Variants in CGGBP1 observed in about 807,000 individuals in gnomAD.
CGGBP1 encodes CGG triplet repeat-binding protein 1.
A neutral mutation model predicts 11.4 loss-of-function variants in CGGBP1; 4 were observed. The observed-to-expected ratio is 0.35, with a 90% CI of 0.17 to 0.80. CGGBP1 has a LOEUF of 0.80. CGGBP1 is among the 30% of genes least tolerant of loss of function. The pLI is 0.52. For synonymous variants in CGGBP1, 76 were observed against 74.1 expected, an observed-to-expected ratio of 1.03 and a Z score of -0.13; for missense variants, 135 against 202.1, an observed-to-expected ratio of 0.67 and a Z score of 2.01.
At chr3:88,143,950 T>C (rs1197413089) in intron 1 of CGGBP1, 8 of 152,182 alleles carry the variant, frequency 5.3e-5, no homozygotes, top group African/African-American at 1.9e-4. Flanking sequence ...ACAGTTCTAA[T>C]TTGAGCGCTT....
At chr3:88,109,239 T>C (rs1424520869) in intron 2 of CGGBP1, among the ~76,000 whole-genome samples, 1 of 151,698 alleles carries the variant, frequency 6.6e-6, no homozygotes, top group Non-Finnish European at 1.5e-5. Context: ...AGAAAATATT[T>C]TGAAGATTAA....
chr3:88,129,321 T>TA (rs11370327), intron 2 of CGGBP1, among the ~76,000 whole-genome samples: 45,874 of 76,686 alleles, frequency 0.6, 13,179 homozygotes, highest in South Asian at 0.68. Flanking sequence ...TTGCCAGGAG[T>TA]AAAAAAAAAA....
At chr3:88,088,867 G>T (rs1708485622) in intron 2 of CGGBP1, among the ~76,000 whole-genome samples, 1 of 151,808 alleles carries the variant, frequency 6.6e-6, no homozygotes, top group South Asian at 2.1e-4. Flanking sequence ...ACATCTCCTG[G>T]GTTCAAGCAA....
chr3:88,119,906 G>A (rs1304885159), intron 2 of CGGBP1, among the ~76,000 whole-genome samples: 1 of 152,116 alleles, frequency 6.6e-6, no homozygotes, highest in African/African-American at 2.4e-5. Flanking sequence ...CCGTAGTTAT[G>A]ATTGGCTTCC....
At chr3:88,067,918 G>C (rs970554924) in intron 2 of CGGBP1, among the ~76,000 whole-genome samples, 1 of 151,182 alleles carries the variant, frequency 6.6e-6, no homozygotes, top group Non-Finnish European at 1.5e-5. Context: ...GGTGTGAACT[G>C]TGTACACTTA....
intron 2 of CGGBP1, among the ~76,000 whole-genome samples, chr3:88,109,595 A>C (rs1465006905): frequency 6.6e-6 from 1 of 152,136 alleles, no homozygotes. Flanking sequence ...ACAGAAATCC[A>C]AAAAAGAGTA....
chr3:88,145,749 T>G (rs1033823732), intron 1 of CGGBP1, among the ~76,000 whole-genome samples: 1 of 152,176 alleles, frequency 6.6e-6, no homozygotes, highest in African/African-American at 2.4e-5. Context: ...ATAGAAAGTT[T>G]CATGCCTTAT....
chr3:88,095,837 C>A (rs1327314606), intron 2 of CGGBP1: 2 of 456,972 alleles, frequency 4.4e-6, no homozygotes, highest in Non-Finnish European at 8.4e-6. Flanking sequence ...TATTGTGCTC[C>A]TCAGAAAAGC....
chr3:88,102,817 C>CTTTTTT (rs10701359), intron 2 of CGGBP1, among the ~76,000 whole-genome samples: 65 of 106,432 alleles, frequency 6.1e-4, no homozygotes, highest in Non-Finnish European at 9.0e-4. Context: ...CCTCTACTGT[C>CTTTTTT]TTTTTTTTTT....
chr3:88,077,581 C>A (rs1216700182), intron 2 of CGGBP1, among the ~76,000 whole-genome samples: 1 of 151,944 alleles, frequency 6.6e-6, no homozygotes, highest in Non-Finnish European at 1.5e-5. Context: ...TGAAATATAC[C>A]CATGAAAAAC....
intron 2 of CGGBP1, among the ~76,000 whole-genome samples, chr3:88,120,101 T>C (rs1323747984): frequency 6.6e-6 from 1 of 152,094 alleles, no homozygotes; most frequent in Non-Finnish European, 1.5e-5. Context: ...ATGTAACTTA[T>C]AGGCATTCAT....
At chr3:88,144,914 T>C (rs1384722353) in intron 1 of CGGBP1, among the ~76,000 whole-genome samples, 2 of 151,976 alleles carry the variant, frequency 1.3e-5, no homozygotes, top group Non-Finnish European at 2.9e-5. Flanking sequence ...CAGAATTCTG[T>C]TTTTACTAAA....
chr3:88,098,527 A>G (rs1486410866), intron 2 of CGGBP1, among the ~76,000 whole-genome samples: 4 of 152,186 alleles, frequency 2.6e-5, no homozygotes, highest in Admixed American at 2.6e-4. Flanking sequence ...AGACACAACA[A>G]AAAATGAGAA....
At chr3:88,142,420 G>A (rs1465243483) in intron 1 of CGGBP1, 1 of 152,282 alleles carries the variant, frequency 6.6e-6, no homozygotes, top group East Asian at 1.9e-4. Context: ...AAACCGATCA[G>A]TACTCTGGGG....
chr3:88,135,416 A>G (rs1049934763), intron 2 of CGGBP1: 39 of 348,514 alleles, frequency 1.1e-4, no homozygotes, highest in Admixed American at 3.3e-4. Context: ...CATGGAAGCA[A>G]TTGCTTCCAT....
chr3:88,141,153 A>C, intron 1 of CGGBP1: 1 of 1,309,712 alleles, frequency 7.6e-7, no homozygotes, highest in South Asian at 1.5e-5. Flanking sequence ...TTTGTGTAGC[A>C]CAGGTAGTGA....
chr3:88,129,601 T>C (rs901680115), intron 2 of CGGBP1: 26 of 1,082,192 alleles, frequency 2.4e-5, no homozygotes, highest in Middle Eastern at 3.3e-4. Flanking sequence ...ATCTAAGCAA[T>C]TTCTCTTGAA....
chr3:88,103,913 C>A (rs1414447942), intron 2 of CGGBP1, among the ~76,000 whole-genome samples: 1 of 151,664 alleles, frequency 6.6e-6, no homozygotes, highest in African/African-American at 2.4e-5. Context: ...ATTACAGGTG[C>A]CCGCCCCTAT....
intron 2 of CGGBP1, among the ~76,000 whole-genome samples, chr3:88,067,244 A>C (rs556116741): frequency 7.2e-5 from 11 of 152,222 alleles, no homozygotes; most frequent in Non-Finnish European, 1.5e-4. Context: ...AATGGGAACT[A>C]ATAGCTTGAC....
Sources: allele counts gnomAD v4.1 joint callset (sites outside exome capture counted in the v4.1 genomes callset), GRCh38; gene constraint gnomAD v4.1.1; transcripts MANE v1.5; gene names NCBI Gene and HGNC (gene_info 2026-07-23, HGNC 2026-07-21).